The following PLEKHH2 variants were observed in gnomAD, a reference collection of about 807,000 sequenced individuals.
PLEKHH2 encodes the protein pleckstrin homology domain-containing family H member 2.
A neutral mutation model predicts 187.9 loss-of-function variants in PLEKHH2; 129 were observed. The ratio of observed to expected loss-of-function variants is 0.69; its 90% confidence interval spans 0.59 to 0.79. The LOEUF (loss-of-function observed/expected upper bound fraction) is 0.79, where lower values mean the gene tolerates loss of function less well. Ranked by LOEUF, PLEKHH2 falls within the 30% of genes least tolerant of loss-of-function variation. The pLI is 0.00. For missense variants in PLEKHH2, 2,076 were observed against 1,751.2 expected (o/e 1.19, Z -3.31); for synonymous variants, 686 against 605.6 (o/e 1.13, Z -1.95).
In PLEKHH2 at chr2:43,710,204, A is replaced by C. The variant is rs374966635; in HGVS notation, c.2104-16A>C. ...AAGGAAACTGAAAATGCTTTTGTCT[A>C]TCTTTTAAAAATTAGGAACCACTGG... On this transcript the variant is annotated splice_polypyrimidine_tract_variant and intron_variant, in intron 12 of 29. Transcript: ENST00000282406. 8 of 1,612,302 alleles carry C rather than the reference A, an allele frequency of 5.0e-6. No individual in the cohort carries two copies. The highest frequency in any genetic ancestry group is 5.9e-6 in the Non-Finnish European group (7 of 1,178,812).
rs767735483 is a variant in PLEKHH2, at chr2:43,742,888, A to G, written c.3369A>G (p.Ile1123Met). 1.9e-6 allele frequency: 3 copies of G among 1,585,214 alleles called. No homozygotes were observed. Among genetic ancestry groups the G allele is most frequent in the Non-Finnish European group, 2.6e-6 (3 of 1,169,236 alleles). Residue 1123 changes from isoleucine (I) to methionine (M), a missense_variant, in exon 22 of 30, where the codon ATA (isoleucine) becomes ATG (methionine). Transcript: ENST00000282406. ...NPYHHSLPFS[I>M]PVHFMNGIYQ... ...ATCACCATTCTTTGCCCTTTAGTAT[A>G]CCTGTGCACTTCATGAATGGGATAT...
chr2:43,749,820 A>G (rs1047003242), intron 24 of PLEKHH2, among the ~76,000 whole-genome samples: 1 of 152,222 alleles, frequency 6.6e-6, no homozygotes, highest in African/African-American at 2.4e-5. Context: ...CTGATTCTTC[A>G]TCTGCCAAGC....
intron 16 of PLEKHH2, among the ~76,000 whole-genome samples, chr2:43,725,469 G>C (rs1670695023): frequency 6.6e-6 from 1 of 152,162 alleles, no homozygotes; most frequent in Non-Finnish European, 1.5e-5. Context: ...GTGTTTCACT[G>C]TCTGCTCTTT....
At chr2:43,702,337 C>A (rs1047926158) in intron 8 of PLEKHH2, among the ~76,000 whole-genome samples, 2 of 152,226 alleles carry the variant, frequency 1.3e-5, no homozygotes, top group Middle Eastern at 3.4e-3. Context: ...ATGAAACCTT[C>A]TGTAGTTTAT....
intron 8 of PLEKHH2, among the ~76,000 whole-genome samples, chr2:43,702,527 C>CT (rs1167078689): frequency 0.16 from 9,291 of 57,296 alleles, 976 homozygotes; most frequent in Non-Finnish European, 0.2. Flanking sequence ...CATTCTACTA[C>CT]TTTTTTTTTT....
intron 16 of PLEKHH2, among the ~76,000 whole-genome samples, chr2:43,722,358 A>G (rs1345232641): frequency 6.6e-6 from 1 of 152,162 alleles, no homozygotes; most frequent in Admixed American, 6.6e-5. Flanking sequence ...TGGGAGTGGT[A>G]AAAGTTAGGG....
intron 9 of PLEKHH2, among the ~76,000 whole-genome samples, chr2:43,705,090 A>G (rs1669590133): frequency 6.6e-6 from 1 of 152,134 alleles, no homozygotes; most frequent in African/African-American, 2.4e-5. Flanking sequence ...ACAAAAAATA[A>G]AACCAAACAA....
chr2:43,709,781 A>T (rs1669856225), intron 11 of PLEKHH2, among the ~76,000 whole-genome samples: 1 of 152,208 alleles, frequency 6.6e-6, no homozygotes, highest in Non-Finnish European at 1.5e-5. Flanking sequence ...GGTTGCAGTG[A>T]GCCGAGATTG....
At chr2:43,647,752 C>T (rs1483521755) in intron 2 of PLEKHH2, among the ~76,000 whole-genome samples, 1 of 152,108 alleles carries the variant, frequency 6.6e-6, no homozygotes, top group African/African-American at 2.4e-5. Flanking sequence ...TGCTCTATAC[C>T]TTCCCCCTAA....
intron 2 of PLEKHH2, chr2:43,676,345 G>A (rs1424501770): frequency 1.3e-6 from 2 of 1,551,528 alleles, no homozygotes; most frequent in Admixed American, 1.9e-5. Context: ...AGGACAGTGT[G>A]CCAGGGTCAA....
intron 27 of PLEKHH2, among the ~76,000 whole-genome samples, chr2:43,760,359 CTTTTTTTTTTT>C (rs763777313): frequency 3.9e-4 from 47 of 119,074 alleles, no homozygotes; most frequent in African/African-American, 1.6e-3. Flanking sequence ...ACCCTTTAAC[CTTTTTTTTTTT>C]TTTTTTTTTT....
chr2:43,660,167 C>T (rs1400278416), intron 2 of PLEKHH2, among the ~76,000 whole-genome samples: 2 of 151,954 alleles, frequency 1.3e-5, no homozygotes, highest in African/African-American at 4.8e-5. Context: ...TGGCCTCTAT[C>T]GTTTAGAATG....
chr2:43,653,930 C>A (rs770820141), intron 2 of PLEKHH2, among the ~76,000 whole-genome samples: 48 of 152,056 alleles, frequency 3.2e-4, no homozygotes, highest in Non-Finnish European at 6.2e-4. Flanking sequence ...TATTTCTGAA[C>A]AATGATTTAA....
chr2:43,754,847 T>C lies in PLEKHH2; in HGVS notation c.3795+1087T>C, dbSNP rs1280761331. Among the ~76,000 whole-genome samples the C allele has an allele frequency of 2.6e-5, 4 of 151,738 alleles. No homozygotes were observed. In the East Asian group the frequency reaches 7.7e-4, roughly 29 times the overall value. On this transcript the variant is annotated intron_variant, in intron 25 of 29. Coordinates refer to ENST00000282406, the MANE Select transcript of PLEKHH2 (RefSeq NM_172069.4). The stretch of plus-strand genomic sequence containing the variant: ...TCTTTTTTCTTCAGTTCGTAGTTTT[T>C]TTATGGGCTCCTTAAAATCAACTTT...
At chr2:43,755,337 T>C (rs1057164398) in intron 25 of PLEKHH2, among the ~76,000 whole-genome samples, 1 of 152,180 alleles carries the variant, frequency 6.6e-6, no homozygotes, top group African/African-American at 2.4e-5. Context: ...AGTCACCACA[T>C]CCTGCGAATG....
At chr2:43,678,359 G>A (rs1032445395) in intron 2 of PLEKHH2, among the ~76,000 whole-genome samples, 3 of 152,176 alleles carry the variant, frequency 2.0e-5, no homozygotes, top group Admixed American at 6.5e-5. Flanking sequence ...CAAGGCAGGC[G>A]GCTGGGAGGT....
intron 3 of PLEKHH2, among the ~76,000 whole-genome samples, chr2:43,690,338 T>G (rs1359144225): frequency 1.3e-5 from 2 of 152,146 alleles, no homozygotes; most frequent in Non-Finnish European, 2.9e-5. Flanking sequence ...ATTTTTCTTC[T>G]TCTTCAACTT....
At chr2:43,678,771 G>C (rs111870460) in intron 2 of PLEKHH2, 92 bp from the exon 3 acceptor site, 63 of 537,772 alleles carry the variant, frequency 1.2e-4, no homozygotes, top group Non-Finnish European at 1.8e-4. Context: ...GGTGGAGGTG[G>C]AGGTAGAATT....
At chr2:43,678,648 G>C (rs867195154) in intron 2 of PLEKHH2, among the ~76,000 whole-genome samples, 14 of 151,928 alleles carry the variant, frequency 9.2e-5, no homozygotes, top group Middle Eastern at 3.2e-3. Context: ...GCAGTGAGCC[G>C]AGATGGCAGC....
Sources: gnomAD v4.1 joint callset for allele counts (sites outside exome capture counted in the v4.1 genomes callset) on GRCh38, gnomAD v4.1.1 for gene constraint, MANE v1.5 for transcripts, NCBI Gene and HGNC (gene_info 2026-07-23, HGNC 2026-07-21) for gene names.